FAM184A: variants seen among roughly 807,000 people sequenced by gnomAD.
FAM184A encodes family with sequence similarity 184 member A.
FAM184A carries 99 observed loss-of-function variants against 143.8 expected under a neutral mutation model. The observed-to-expected ratio is 0.69, with a 90% confidence interval of 0.58 to 0.81. The LOEUF is 0.81. Ranked by LOEUF, FAM184A falls within the 40% of genes least tolerant of loss-of-function variation. FAM184A has a pLI of 0.00. For synonymous variants in FAM184A, 427 were observed against 446.4 expected (o/e 0.96, Z 0.55); for missense variants, 1,217 against 1,310.5 (o/e 0.93, Z 1.10).
At chr6:119,034,041 T>TATAGAGAG (rs1409214932) in intron 1 of FAM184A, among the ~76,000 whole-genome samples, 2 of 42,006 alleles carry the variant, frequency 4.8e-5, no homozygotes, top group African/African-American at 2.1e-4. Flanking sequence ...TATATATATA[T>TATAGAGAG]AGAGAGAGAG....
At chr6:119,134,211 A>C (rs1789604802) in intron 1 of FAM184A, among the ~76,000 whole-genome samples, 1 of 152,164 alleles carries the variant, frequency 6.6e-6, no homozygotes, top group Non-Finnish European at 1.5e-5. Flanking sequence ...AACTAATACA[A>C]AAATGGGGAA....
intron 9 of FAM184A, among the ~76,000 whole-genome samples, chr6:118,990,711 C>G (rs1430981120): frequency 7.3e-6 from 1 of 136,610 alleles, no homozygotes; most frequent in African/African-American, 2.7e-5. Flanking sequence ...ACCAAAAATA[C>G]AAAAAATACA....
chr6:119,104,825 A>G (rs1280392744), intron 1 of FAM184A, among the ~76,000 whole-genome samples: 1 of 152,182 alleles, frequency 6.6e-6, no homozygotes, highest in African/African-American at 2.4e-5. Flanking sequence ...TACTACCTCA[A>G]CTAGGTGATC....
chr6:119,104,872 C>T (rs980347001), intron 1 of FAM184A, among the ~76,000 whole-genome samples: 6 of 151,792 alleles, frequency 4.0e-5, no homozygotes, highest in Non-Finnish European at 8.8e-5. Flanking sequence ...ATTTTGATAG[C>T]ATGTGCCCTT....
intron 1 of FAM184A, chr6:119,069,115 CT>C: frequency 3.0e-6 from 1 of 337,512 alleles, no homozygotes; most frequent in Non-Finnish European, 6.6e-6. Flanking sequence ...ACCACAATTA[CT>C]TTTGCGCCAA....
intron 1 of FAM184A, among the ~76,000 whole-genome samples, chr6:119,101,364 G>A (rs950244040): frequency 1.3e-5 from 2 of 151,588 alleles, no homozygotes; most frequent in African/African-American, 2.4e-5. Context: ...GAACCACTGC[G>A]CCCAGCCACA....
At chr6:119,129,723 T>G (rs811109) in intron 1 of FAM184A, among the ~76,000 whole-genome samples, 52,907 of 97,446 alleles carry the variant, frequency 0.54, 11,714 homozygotes, top group Non-Finnish European at 0.62. Flanking sequence ...TGTGTGTGTG[T>G]GGGGGGTTGT....
chr6:119,058,154 A>T (rs146846568), intron 1 of FAM184A, among the ~76,000 whole-genome samples: 1 of 145,614 alleles, frequency 6.9e-6, no homozygotes, highest in African/African-American at 2.5e-5. Flanking sequence ...ATCAAGAAGT[A>T]GAGTCCAATT....
At chr6:119,056,728 C>G (rs1398968900) in intron 1 of FAM184A, among the ~76,000 whole-genome samples, 1 of 151,108 alleles carries the variant, frequency 6.6e-6, no homozygotes, top group Non-Finnish European at 1.5e-5. Flanking sequence ...AGAAGAAAAG[C>G]CCAACCATCA....
chr6:119,003,045 C>T lies in FAM184A; in HGVS notation c.1942G>A (p.Glu648Lys). 6.3e-7 allele frequency: 1 copy of T among 1,596,394 alleles called. No individual in the cohort carries two copies. Among genetic ancestry groups the T allele is most frequent in the South Asian group, 1.1e-5 (1 of 87,592 alleles). ...AACTCTTCACGAAGTTTAGAACACT[C>T]TTGTCTAAAATAAAACAACTGCATT... ...EIKWTENLRQ[E>K]CSKLREELRL... The change falls in exon 9 of 18, where the codon GAG becomes AAG. Residue 648 changes from glutamate to lysine, a missense_variant. By Grantham distance (56) the Glu-to-Lys change is moderately conservative. Coordinates refer to ENST00000338891, the MANE Select transcript of FAM184A (RefSeq NM_024581.6).
intron 1 of FAM184A, among the ~76,000 whole-genome samples, chr6:119,062,010 T>C (rs1183048124): frequency 6.6e-6 from 1 of 151,946 alleles, no homozygotes; most frequent in Non-Finnish European, 1.5e-5. Flanking sequence ...GACAGAGGTA[T>C]GAGGCAAGAT....
At chr6:119,043,477 GT>G (rs1786418502) in intron 1 of FAM184A, among the ~76,000 whole-genome samples, 1 of 152,168 alleles carries the variant, frequency 6.6e-6, no homozygotes, top group African/African-American at 2.4e-5. Context: ...AAGAAAAACT[GT>G]TTACTGGGTA....
intron 1 of FAM184A, among the ~76,000 whole-genome samples, chr6:119,037,256 C>A: frequency 6.6e-6 from 1 of 152,156 alleles, no homozygotes; most frequent in East Asian, 1.9e-4. Flanking sequence ...GTTCATCTTA[C>A]AGTCAATTAA....
rs568140803 is a variant in FAM184A at position 119,084,211 on chromosome 6, A to C, written c.-201-59398T>G. Among the ~76,000 whole-genome samples, 37 of 152,308 alleles carry C rather than the reference A, an allele frequency of 2.4e-4. No individual in the cohort carries two copies. The South Asian group carries it at 7.5e-3, about 31-fold the overall frequency. ...TGTCCCCATGATTCAATCACCTCCC[A>C]GCAGGTCTCTCCCTCAACACATAGG... On this transcript the variant is annotated intron_variant, in intron 1 of 16. Transcript: ENST00000352896.
intron 1 of FAM184A, among the ~76,000 whole-genome samples, chr6:119,129,116 C>G (rs1205034186): frequency 1.3e-5 from 2 of 152,144 alleles, no homozygotes; most frequent in Admixed American, 1.3e-4. Context: ...CCTGGAAGCC[C>G]CTCTCTCCCA....
At chr6:118,987,171 T>C (rs1277611152) in intron 9 of FAM184A, among the ~76,000 whole-genome samples, 1 of 152,194 alleles carries the variant, frequency 6.6e-6, no homozygotes, top group African/African-American at 2.4e-5. Flanking sequence ...AACTACAATC[T>C]GTTTTTGTAA....
chr6:119,137,037 A>G (rs569295977), intron 1 of FAM184A, among the ~76,000 whole-genome samples: 29 of 152,364 alleles, frequency 1.9e-4, no homozygotes, highest in African/African-American at 5.5e-4. Flanking sequence ...TACAATTTAT[A>G]TTAGTGCTAC....
At chr6:119,008,317 G>A (rs1020286651) in intron 6 of FAM184A, among the ~76,000 whole-genome samples, 4 of 152,198 alleles carry the variant, frequency 2.6e-5, no homozygotes, top group African/African-American at 2.4e-5. Context: ...TTGTTTGTAT[G>A]TGGATTGGTT....
intron 9 of FAM184A, among the ~76,000 whole-genome samples, chr6:118,985,841 C>G (rs752498649): frequency 1.3e-5 from 2 of 152,148 alleles, no homozygotes; most frequent in Non-Finnish European, 2.9e-5. Flanking sequence ...AACTGCTAAC[C>G]TAGGCTTAGT....
Sources: allele counts gnomAD v4.1 joint callset (sites outside exome capture counted in the v4.1 genomes callset), GRCh38; gene constraint gnomAD v4.1.1; transcripts MANE v1.5; gene names NCBI Gene and HGNC (gene_info 2026-07-23, HGNC 2026-07-21).